CACNA2D3: variants seen among roughly 807,000 people sequenced by gnomAD.
CACNA2D3 encodes the protein voltage-dependent calcium channel subunit alpha-2/delta-3.
In CACNA2D3, 60 loss-of-function variants were observed where a neutral mutation model predicts 160.6. The ratio of observed to expected loss-of-function variants is 0.37; its 90% CI spans 0.30 to 0.46. CACNA2D3 has a LOEUF of 0.46. Among genes scored for constraint, CACNA2D3 ranks in the 20% least tolerant of loss-of-function variants. The pLI is 1.00. For synonymous variants in CACNA2D3, 558 were observed against 492.9 expected (o/e 1.13, Z -1.75); for missense variants, 1,205 against 1,365.0 (o/e 0.88, Z 1.85).
intron 17 of CACNA2D3, among the ~76,000 whole-genome samples, chr3:54,858,236 A>G (rs1048045102): frequency 3.3e-5 from 5 of 152,202 alleles, no homozygotes; most frequent in Non-Finnish European, 5.9e-5. Context: ...GCTGCCAGCT[A>G]CTAGCCTCAG....
intron 2 of CACNA2D3, among the ~76,000 whole-genome samples, chr3:54,205,657 A>G (rs1324837813): frequency 6.6e-6 from 1 of 152,188 alleles, no homozygotes; most frequent in Admixed American, 6.5e-5. Flanking sequence ...AGCCATATTA[A>G]CATTCTTGAT....
At chr3:54,783,740 C>A (rs910206992) in intron 13 of CACNA2D3, among the ~76,000 whole-genome samples, 1 of 152,302 alleles carries the variant, frequency 6.6e-6, no homozygotes, top group East Asian at 1.9e-4. Context: ...CAACATGTAT[C>A]TCTTACATGG....
intron 14 of CACNA2D3, among the ~76,000 whole-genome samples, chr3:54,835,434 T>G (rs573629280): frequency 6.6e-6 from 1 of 152,336 alleles, no homozygotes; most frequent in African/African-American, 2.4e-5. Flanking sequence ...GCTGCTGTTC[T>G]GGGTACTACA....
chr3:54,377,779 A>G (rs890472740), intron 3 of CACNA2D3, among the ~76,000 whole-genome samples: 1 of 152,182 alleles, frequency 6.6e-6, no homozygotes, highest in Admixed American at 6.5e-5. Context: ...AGACTCAGTT[A>G]TCTATTTATT....
intron 9 of CACNA2D3, among the ~76,000 whole-genome samples, chr3:54,606,650 G>A (rs747932811): frequency 6.6e-6 from 1 of 152,166 alleles, no homozygotes; most frequent in African/African-American, 2.4e-5. Flanking sequence ...CATGAAGTGA[G>A]TTGAATTCGG....
chr3:54,748,485 AT>A (rs1270519240), intron 11 of CACNA2D3, among the ~76,000 whole-genome samples: 1 of 152,154 alleles, frequency 6.6e-6, no homozygotes, highest in African/African-American at 2.4e-5. Flanking sequence ...TTAACATTTT[AT>A]TAAGCTTAAT....
intron 2 of CACNA2D3, among the ~76,000 whole-genome samples, chr3:54,218,252 C>T (rs1437113785): frequency 6.6e-6 from 1 of 152,172 alleles, no homozygotes; most frequent in Non-Finnish European, 1.5e-5. Flanking sequence ...GACTGGCCAC[C>T]TCTTGTGGAT....
chr3:54,710,268 A>G (rs562026420), intron 11 of CACNA2D3, among the ~76,000 whole-genome samples: 2 of 152,240 alleles, frequency 1.3e-5, no homozygotes, highest in Non-Finnish European at 2.9e-5. Context: ...TCTTGAAGAA[A>G]TATTTGTATT....
At chr3:54,385,780 A>G (rs1274389552) in intron 3 of CACNA2D3, 6 of 397,882 alleles carry the variant, frequency 1.5e-5, no homozygotes, top group Non-Finnish European at 4.8e-6. Flanking sequence ...ACTCAGGCCT[A>G]TATTATGTCA....
chr3:54,331,839 TC>T (rs1355785068), intron 3 of CACNA2D3, among the ~76,000 whole-genome samples: 1 of 152,208 alleles, frequency 6.6e-6, no homozygotes, highest in Non-Finnish European at 1.5e-5. Context: ...GTCTGTTTTC[TC>T]CCAATCTCAA....
chr3:54,475,383 A>G (rs1464876969), intron 4 of CACNA2D3, among the ~76,000 whole-genome samples: 3 of 152,226 alleles, frequency 2.0e-5, no homozygotes, highest in Non-Finnish European at 4.4e-5. Context: ...AATGGCATGG[A>G]AAGTCTCAAT....
At chr3:54,381,818 A>G (rs1699107693) in intron 3 of CACNA2D3, among the ~76,000 whole-genome samples, 1 of 152,362 alleles carries the variant, frequency 6.6e-6, no homozygotes, top group East Asian at 1.9e-4. Flanking sequence ...GTCTATTTAT[A>G]CAAATGGCTC....
chr3:55,039,241 A>G (rs1246919305), intron 35 of CACNA2D3, among the ~76,000 whole-genome samples: 1 of 152,182 alleles, frequency 6.6e-6, no homozygotes, highest in Non-Finnish European at 1.5e-5. Context: ...TATGATGTTC[A>G]TCTTCAGAAA....
intron 13 of CACNA2D3, among the ~76,000 whole-genome samples, chr3:54,779,344 C>G (rs1702488934): frequency 6.6e-6 from 1 of 152,126 alleles, no homozygotes; most frequent in Admixed American, 6.5e-5. Flanking sequence ...GGTGATCCAC[C>G]CACCTTGGCC....
At chr3:55,013,047 G>A (rs2107149934) in intron 34 of CACNA2D3, among the ~76,000 whole-genome samples, 1 of 152,262 alleles carries the variant, frequency 6.6e-6, no homozygotes, top group South Asian at 2.1e-4. Context: ...CATGTCCTCT[G>A]ACTCCCACTG....
At chr3:54,293,412 T>C (rs776773702) in intron 2 of CACNA2D3, among the ~76,000 whole-genome samples, 4 of 152,138 alleles carry the variant, frequency 2.6e-5, no homozygotes, top group Non-Finnish European at 4.4e-5. Flanking sequence ...CTTTATGTCC[T>C]CATAGCTTAG....
chr3:54,986,923 G>A (rs1702627368), intron 30 of CACNA2D3, among the ~76,000 whole-genome samples: 1 of 152,194 alleles, frequency 6.6e-6, no homozygotes, highest in South Asian at 2.1e-4. Context: ...AATTCAGAGG[G>A]CATGCATGAG....
chr3:54,474,612 A>G (rs1274215836), intron 4 of CACNA2D3, among the ~76,000 whole-genome samples: 2 of 152,076 alleles, frequency 1.3e-5, no homozygotes, highest in Non-Finnish European at 2.9e-5. Flanking sequence ...TTTGGCTATA[A>G]TTGAAGAAGG....
At chr3:54,675,519 C>T in intron 11 of CACNA2D3, among the ~76,000 whole-genome samples, 1 of 152,138 alleles carries the variant, frequency 6.6e-6, no homozygotes, top group East Asian at 1.9e-4. Context: ...TCAGTCAGTC[C>T]TCTTCATCTT....
Sources: allele counts gnomAD v4.1 joint callset (sites outside exome capture counted in the v4.1 genomes callset), GRCh38; gene constraint gnomAD v4.1.1; transcripts MANE v1.5; gene names NCBI Gene and HGNC (gene_info 2026-07-23, HGNC 2026-07-21).